RAB3GAP2: variants seen among roughly 807,000 people sequenced by gnomAD.
The protein encoded by RAB3GAP2 is RAB3 GTPase activating non-catalytic protein subunit 2.
Under a neutral mutation model 185.3 loss-of-function variants are expected in RAB3GAP2, and 87 were observed. The observed-to-expected ratio is 0.47, with a 90% confidence interval of 0.39 to 0.56. RAB3GAP2 has a LOEUF of 0.56. Among genes scored for constraint, RAB3GAP2 ranks in the 20% least tolerant of loss-of-function variants. The pLI is 0.00. For missense variants in RAB3GAP2, 1,492 were observed against 1,638.2 expected (o/e 0.91, Z 1.54); for synonymous variants, 554 against 576.1 (o/e 0.96, Z 0.55).
At chr1:220,174,782 G>A (rs886962253) in intron 21 of RAB3GAP2, among the ~76,000 whole-genome samples, 3 of 152,090 alleles carry the variant, frequency 2.0e-5, no homozygotes, top group African/African-American at 7.2e-5. Context: ...TACATATATC[G>A]TACTTTTGAG....
intron 9 of RAB3GAP2, chr1:220,200,556 T>C (rs1404740911): frequency 1.9e-6 from 1 of 528,326 alleles, no homozygotes; most frequent in Admixed American, 2.0e-5. Context: ...TTTTGTAGGC[T>C]GGGGATAAAT....
At chr1:220,267,615 G>T in intron 1 of RAB3GAP2, 1 of 1,372,942 alleles carries the variant, frequency 7.3e-7, no homozygotes, top group South Asian at 1.2e-5. Context: ...CGACAGCGGG[G>T]ACTGCTTGCT....
intron 1 of RAB3GAP2, among the ~76,000 whole-genome samples, chr1:220,262,620 A>C (rs1364759128): frequency 2.0e-5 from 3 of 152,240 alleles, no homozygotes; most frequent in African/African-American, 7.2e-5. Context: ...AACAAGGTTC[A>C]TTCATGTTAT....
At chr1:220,254,656 T>G in intron 1 of RAB3GAP2, 1 of 816,018 alleles carries the variant, frequency 1.2e-6, no homozygotes, top group Non-Finnish European at 2.0e-6. Context: ...TTGATGTTTG[T>G]TTTCTGTTTG....
intron 7 of RAB3GAP2, among the ~76,000 whole-genome samples, chr1:220,206,307 T>A (rs1306412768): frequency 6.6e-6 from 1 of 152,096 alleles, no homozygotes; most frequent in East Asian, 1.9e-4. Context: ...ATACAAACAG[T>A]ATGTAAAAAC....
At chr1:220,239,153 A>T (rs1181963223) in intron 1 of RAB3GAP2, among the ~76,000 whole-genome samples, 1 of 152,230 alleles carries the variant, frequency 6.6e-6, no homozygotes, top group Non-Finnish European at 1.5e-5. Flanking sequence ...CAACAAATAC[A>T]AAAGATTATG....
chr1:220,200,971 A>T (rs575511774), intron 9 of RAB3GAP2, among the ~76,000 whole-genome samples: 8 of 152,278 alleles, frequency 5.3e-5, no homozygotes, highest in African/African-American at 1.9e-4. Flanking sequence ...GTGCTGGAGA[A>T]ACAATAAGTG....
intron 1 of RAB3GAP2, among the ~76,000 whole-genome samples, chr1:220,263,638 C>T (rs1198468590): frequency 6.6e-6 from 1 of 151,998 alleles, no homozygotes; most frequent in Non-Finnish European, 1.5e-5. Flanking sequence ...TATTCCATTC[C>T]ATTGGTTTGT....
intron 7 of RAB3GAP2, among the ~76,000 whole-genome samples, chr1:220,206,884 TAC>T (rs1658978438): frequency 1.3e-5 from 2 of 152,176 alleles, no homozygotes; most frequent in Non-Finnish European, 2.9e-5. Flanking sequence ...TCAAACAACA[TAC>T]ATATTCTCTT....
intron 9 of RAB3GAP2, chr1:220,200,625 T>G (rs1658834848): frequency 1.9e-6 from 1 of 527,886 alleles, no homozygotes; most frequent in Non-Finnish European, 3.9e-6. Context: ...TGTTCCAAAG[T>G]TTAATTAACA....
chr1:220,177,823 T>C (rs1016256264), intron 21 of RAB3GAP2, among the ~76,000 whole-genome samples: 9 of 151,920 alleles, frequency 5.9e-5, no homozygotes, highest in Non-Finnish European at 1.3e-4. Context: ...TAAAACAACA[T>C]CAAAAGAGCA....
chr1:220,202,488 C>A, intron 8 of RAB3GAP2, 114 bp from the exon 9 acceptor site: 2 of 1,085,234 alleles, frequency 1.8e-6, no homozygotes, highest in Non-Finnish European at 2.7e-6. Context: ...AATAATGACA[C>A]AAAGTAATGA....
intron 1 of RAB3GAP2, chr1:220,266,913 T>C (rs1252744612): frequency 8.8e-6 from 14 of 1,589,018 alleles, no homozygotes; most frequent in Admixed American, 3.3e-5. Flanking sequence ...TGTAGGTCTC[T>C]TGGTATGTAT....
chr1:220,270,128 T>G (rs983217801), intron 1 of RAB3GAP2, among the ~76,000 whole-genome samples: 4 of 152,220 alleles, frequency 2.6e-5, no homozygotes, highest in African/African-American at 9.6e-5. Context: ...TGACCCCTGC[T>G]GCATTTGCAA....
intron 9 of RAB3GAP2, among the ~76,000 whole-genome samples, chr1:220,201,958 A>G (rs2102875462): frequency 6.6e-6 from 1 of 152,050 alleles, no homozygotes; most frequent in South Asian, 2.1e-4. Flanking sequence ...TGAGGTCAGG[A>G]GTTCAAGACC....
At chr1:220,201,080 C>T (rs900442943) in intron 9 of RAB3GAP2, among the ~76,000 whole-genome samples, 2 of 152,150 alleles carry the variant, frequency 1.3e-5, no homozygotes, top group African/African-American at 4.8e-5. Flanking sequence ...TAACCAGGCT[C>T]CTAGACTCAC....
At chr1:220,243,509 C>G (rs1324028328) in intron 1 of RAB3GAP2, among the ~76,000 whole-genome samples, 1 of 152,172 alleles carries the variant, frequency 6.6e-6, no homozygotes, top group Non-Finnish European at 1.5e-5. Flanking sequence ...ATAACTCGCT[C>G]AAGGTCACAC....
chr1:220,251,035 A>T (rs1659921816), intron 1 of RAB3GAP2, among the ~76,000 whole-genome samples: 1 of 152,248 alleles, frequency 6.6e-6, no homozygotes, highest in South Asian at 2.1e-4. Flanking sequence ...ATTAAAATGG[A>T]CAGAAATTGA....
intron 1 of RAB3GAP2, among the ~76,000 whole-genome samples, chr1:220,268,593 A>G (rs1257692663): frequency 6.6e-6 from 1 of 152,236 alleles, no homozygotes; most frequent in Non-Finnish European, 1.5e-5. Flanking sequence ...AAGCCAAACC[A>G]TCATAAGTCT....
Sources: allele counts gnomAD v4.1 joint callset (sites outside exome capture counted in the v4.1 genomes callset), GRCh38; gene constraint gnomAD v4.1.1; transcripts MANE v1.5; gene names NCBI Gene and HGNC (gene_info 2026-07-23, HGNC 2026-07-21).